Variants in SHC4 observed in about 807,000 individuals in gnomAD.
SHC4 encodes SHC-transforming protein 4.
In SHC4, 41 loss-of-function variants were observed where a neutral mutation model predicts 69.4. The ratio of observed to expected loss-of-function variants is 0.59; its 90% CI spans 0.46 to 0.77. The LOEUF (loss-of-function observed/expected upper bound fraction) is 0.77, where lower values mean the gene tolerates loss of function less well. SHC4 is among the 30% of genes least tolerant of loss of function. The probability of loss-of-function intolerance (pLI) is 0.00; values close to 1 mark genes in which losing one functional copy is unlikely to be tolerated. For missense variants in SHC4, 777 were observed against 783.8 expected, an observed-to-expected ratio of 0.99 and a Z score of 0.10; for synonymous variants, 318 against 299.3, an observed-to-expected ratio of 1.06 and a Z score of -0.64.
chr15:48,925,565 A>G (rs1900839176), intron 1 of SHC4, among the ~76,000 whole-genome samples: 1 of 152,240 alleles, frequency 6.6e-6, no homozygotes, highest in African/African-American at 2.4e-5. Flanking sequence ...TGATTTAAAT[A>G]TTAAGGGGGT....
chr15:48,840,653 C>A (rs1320155270), intron 10 of SHC4, among the ~76,000 whole-genome samples: 2 of 152,160 alleles, frequency 1.3e-5, no homozygotes. Flanking sequence ...CCCACTCCAT[C>A]TCTTTATTAC....
chr15:48,944,677 T>C (rs936919799), intron 1 of SHC4, among the ~76,000 whole-genome samples: 5 of 152,190 alleles, frequency 3.3e-5, no homozygotes, highest in African/African-American at 1.2e-4. Context: ...TTTGTAGTGA[T>C]ATAATCTGAA....
At chr15:48,949,370 C>CAAA (rs751634978) in intron 1 of SHC4, among the ~76,000 whole-genome samples, 2 of 64,020 alleles carry the variant, frequency 3.1e-5, no homozygotes, top group Admixed American at 1.8e-4. Context: ...GACTCCGTCT[C>CAAA]AAAAAAAAAA....
chr15:48,853,163 T>C (rs1899248224), intron 8 of SHC4, among the ~76,000 whole-genome samples: 1 of 152,010 alleles, frequency 6.6e-6, no homozygotes, highest in African/African-American at 2.4e-5. Flanking sequence ...TACAAAAATC[T>C]AGCATTTCTA....
At chr15:48,878,444 G>C (rs764215628) in intron 4 of SHC4, 1 of 1,613,190 alleles carries the variant, frequency 6.2e-7, no homozygotes, top group Non-Finnish European at 8.5e-7. Flanking sequence ...CCAGGTGGCG[G>C]GCGCAGACTT....
chr15:48,928,477 G>T (rs1448190710), intron 1 of SHC4, among the ~76,000 whole-genome samples: 1 of 152,074 alleles, frequency 6.6e-6, no homozygotes, highest in Non-Finnish European at 1.5e-5. Flanking sequence ...GGAAACAGCT[G>T]GAACAAGGAC....
intron 2 of SHC4, among the ~76,000 whole-genome samples, chr15:48,915,710 T>G (rs906739639): frequency 6.6e-6 from 1 of 152,244 alleles, no homozygotes; most frequent in Non-Finnish European, 1.5e-5. Flanking sequence ...TTAACACCCT[T>G]TCCTGACCAA....
intron 4 of SHC4, among the ~76,000 whole-genome samples, chr15:48,883,737 A>T (rs1899984361): frequency 6.6e-6 from 1 of 152,268 alleles, no homozygotes; most frequent in African/African-American, 2.4e-5. Flanking sequence ...TTATTAAGGA[A>T]GAAAACATTA....
intron 2 of SHC4, among the ~76,000 whole-genome samples, chr15:48,905,148 T>C (rs923708476): frequency 3.3e-5 from 5 of 152,172 alleles, no homozygotes; most frequent in Admixed American, 3.3e-4. Flanking sequence ...GTTCAAGACC[T>C]CCAGGATCAT....
At chr15:48,909,997 G>T (rs1345624501) in intron 2 of SHC4, among the ~76,000 whole-genome samples, 1 of 152,114 alleles carries the variant, frequency 6.6e-6, no homozygotes, top group Non-Finnish European at 1.5e-5. Flanking sequence ...GTTCATCAAG[G>T]ATATTGGTCT....
chr15:48,960,505 T>C (rs564511189), intron 1 of SHC4, among the ~76,000 whole-genome samples: 1 of 152,324 alleles, frequency 6.6e-6, no homozygotes, highest in South Asian at 2.1e-4. Context: ...GGGCGAGAGC[T>C]GCATGTCCCA....
chr15:48,837,613 T>A (rs1305124425), intron 10 of SHC4, among the ~76,000 whole-genome samples: 6 of 152,146 alleles, frequency 3.9e-5, no homozygotes, highest in Non-Finnish European at 8.8e-5. Context: ...TCATATTTTC[T>A]GAGAAGAAGT....
At chr15:48,863,537 G>T (rs1276375247) in intron 6 of SHC4, among the ~76,000 whole-genome samples, 1 of 152,014 alleles carries the variant, frequency 6.6e-6, no homozygotes, top group East Asian at 1.9e-4. Context: ...CTTAATCTTT[G>T]TACGTATCCT....
chr15:48,915,233 T>C (rs1418372157), intron 2 of SHC4, among the ~76,000 whole-genome samples: 2 of 152,252 alleles, frequency 1.3e-5, no homozygotes, highest in African/African-American at 4.8e-5. Flanking sequence ...GCCTGCTGTG[T>C]GAAAGACATT....
At chr15:48,930,096 C>T (rs902626198) in intron 1 of SHC4, among the ~76,000 whole-genome samples, 11 of 151,950 alleles carry the variant, frequency 7.2e-5, no homozygotes, top group African/African-American at 2.7e-4. Flanking sequence ...ACTACAAGCA[C>T]GCTACCTAAA....
At chr15:48,902,318 C>T (rs138556178) in intron 2 of SHC4, among the ~76,000 whole-genome samples, 15 of 151,970 alleles carry the variant, frequency 9.9e-5, no homozygotes, top group African/African-American at 3.6e-4. Context: ...TATAGTAGGT[C>T]AAATTATGTC....
intron 1 of SHC4, among the ~76,000 whole-genome samples, chr15:48,937,586 A>AGATG (rs1376816954): frequency 9.5e-6 from 1 of 105,452 alleles, no homozygotes; most frequent in African/African-American, 3.6e-5. Context: ...ACAGACACAT[A>AGATG]GATAGATAGA....
intron 2 of SHC4, among the ~76,000 whole-genome samples, chr15:48,903,589 T>G (rs1900352923): frequency 6.6e-6 from 1 of 152,192 alleles, no homozygotes; most frequent in Non-Finnish European, 1.5e-5. Flanking sequence ...TGGTCCAAAT[T>G]ACGTGGAGAC....
At chr15:48,861,396 T>G (rs76622101) in intron 6 of SHC4, among the ~76,000 whole-genome samples, 6,711 of 152,308 alleles carry the variant, frequency 0.044, 183 homozygotes, top group South Asian at 0.07. Flanking sequence ...GGAGCACATG[T>G]ACTTTCACAG....
Sources: allele counts gnomAD v4.1 joint callset (sites outside exome capture counted in the v4.1 genomes callset), GRCh38; gene constraint gnomAD v4.1.1; transcripts MANE v1.5; gene names NCBI Gene and HGNC (gene_info 2026-07-23, HGNC 2026-07-21).